Variants in MUC7 observed in about 807,000 individuals in gnomAD.
The protein encoded by MUC7 is mucin-7.
Under a neutral mutation model 2.5 loss-of-function variants are expected in MUC7, and 2 were observed. That is an observed-to-expected ratio of 0.81 (90% CI 0.33 to 2.55). The LOEUF (loss-of-function observed/expected upper bound fraction) is 2.55. Ranked by LOEUF, MUC7 falls within the 30% of genes most tolerant of loss-of-function variation. The pLI is 0.11. For missense variants in MUC7, 408 were observed against 455.6 expected (o/e 0.90, Z 0.95); for synonymous variants, 133 against 173.4 (o/e 0.77, Z 1.83).
chr4:70,453,122 C>T (rs1035453757), intron 1 of MUC7, among the ~76,000 whole-genome samples: 4 of 152,202 alleles, frequency 2.6e-5, no homozygotes, highest in African/African-American at 9.7e-5. Context: ...CTAACCTCTC[C>T]CTTGCTACCA....
intron 1 of MUC7, among the ~76,000 whole-genome samples, chr4:70,451,645 T>G (rs1339465651): frequency 1.3e-5 from 2 of 152,234 alleles, no homozygotes; most frequent in Non-Finnish European, 2.9e-5. Context: ...TATTTCAATT[T>G]TTTTTAATGT....
chr4:70,453,215 A>T (rs1477002835), intron 1 of MUC7, among the ~76,000 whole-genome samples: 3 of 152,206 alleles, frequency 2.0e-5, no homozygotes, highest in African/African-American at 7.2e-5. Context: ...TCCTTTCAGG[A>T]CAGCCAGTTC....
chr4:70,452,614 C>T (rs1734306886), intron 1 of MUC7, among the ~76,000 whole-genome samples: 1 of 151,856 alleles, frequency 6.6e-6, no homozygotes, highest in Non-Finnish European at 1.5e-5. Context: ...AACTTTTTGT[C>T]TCTCTATTAA....
intron 1 of MUC7, among the ~76,000 whole-genome samples, chr4:70,443,316 T>A (rs1734050174): frequency 1.1e-5 from 1 of 90,216 alleles, no homozygotes; most frequent in Non-Finnish European, 2.4e-5. Flanking sequence ...ACAAAAAGAA[T>A]TTACCTTAAA....
At chr4:70,471,606 G>C (rs1734836657), upstream of MUC7, among the ~76,000 whole-genome samples, 2 of 152,072 alleles carry the variant, frequency 1.3e-5, no homozygotes, top group East Asian at 3.8e-4. Flanking sequence ...ATGAAAACCA[G>C]GGAATGAGTA....
At chr4:70,466,726 C>T (rs1236048140) in intron 1 of MUC7, among the ~76,000 whole-genome samples, 7 of 152,170 alleles carry the variant, frequency 4.6e-5, no homozygotes, top group Non-Finnish European at 8.8e-5. Context: ...AATATATATG[C>T]ACCCAATACA....
rs183353420 is a variant in MUC7 at position 70,435,717 on chromosome 4, G to T, written c.-93+5030G>T. ...CCCATTTACATTTAAGGTTAATATT[G>T]TTATGTGTGAATTTGATCCTGTCGT... is the stretch of plus-strand genomic sequence containing the variant. On this transcript the variant is annotated intron_variant, in intron 1 of 3. Coordinates refer to the MUC7 transcript ENST00000413702. Among the ~76,000 whole-genome samples the T allele has an allele frequency of 3.6e-3, 542 of 152,282 alleles. 2 individuals carry two copies. Among genetic ancestry groups the T allele is most frequent in the African/African-American group, 0.013 (526 of 41,560 alleles).
chr4:70,468,986 A>G (rs1475851044), upstream of MUC7, among the ~76,000 whole-genome samples: 2 of 152,234 alleles, frequency 1.3e-5, no homozygotes, highest in Non-Finnish European at 2.9e-5. Flanking sequence ...TGGAGGGATC[A>G]TGCTACCTGA....
At chr4:70,437,154 G>C (rs953810696) in intron 1 of MUC7, among the ~76,000 whole-genome samples, 1 of 152,186 alleles carries the variant, frequency 6.6e-6, no homozygotes, top group South Asian at 2.1e-4. Context: ...GCTACACAGG[G>C]GTCCCGGACC....
At chr4:70,435,064 C>G (rs1577896169) in intron 1 of MUC7, among the ~76,000 whole-genome samples, 1 of 152,168 alleles carries the variant, frequency 6.6e-6, no homozygotes, top group East Asian at 1.9e-4. Context: ...GCACTGTGGT[C>G]TAAGAGACAG....
At chr4:70,445,733 A>G (rs944562476) in intron 1 of MUC7, among the ~76,000 whole-genome samples, 1 of 152,202 alleles carries the variant, frequency 6.6e-6, no homozygotes, top group African/African-American at 2.4e-5. Context: ...AGGTTCGTAT[A>G]ATAGACACCA....
rs961496988 is a variant in MUC7 at position 70,482,155 on chromosome 4, A to G, written c.*277A>G. 5 of 391,936 alleles carry G rather than the reference A, an allele frequency of 1.3e-5. No individual in the cohort carries two copies. Among genetic ancestry groups the G allele is most frequent in the African/African-American group, 1.0e-4 (5 of 49,070 alleles). 24.3% of individuals were successfully genotyped at this position (391,936 alleles called of 1,614,324 possible). ...GAGGGCAAAGAAAGTCCTTAGATAA[A>G]GAGAGAATATTGTATGGGCCATCAA... On this transcript the variant is annotated 3_prime_UTR_variant, in exon 3 of 3. Transcript: ENST00000304887.
intron 1 of MUC7, among the ~76,000 whole-genome samples, chr4:70,455,547 G>C (rs765387371): frequency 6.6e-6 from 1 of 152,136 alleles, no homozygotes; most frequent in Non-Finnish European, 1.5e-5. Flanking sequence ...AGTGTGAGCT[G>C]TTGAGTGCCT....
At chr4:70,464,771 C>T (rs1464142234) in intron 1 of MUC7, among the ~76,000 whole-genome samples, 1 of 152,166 alleles carries the variant, frequency 6.6e-6, no homozygotes, top group Non-Finnish European at 1.5e-5. Flanking sequence ...GATACAACTC[C>T]CCACTCCCTG....
At chr4:70,466,586 C>CA (rs75195757) in intron 1 of MUC7, among the ~76,000 whole-genome samples, 11,793 of 143,316 alleles carry the variant, frequency 0.082, 592 homozygotes, top group East Asian at 0.2. Context: ...GAATGGAAAG[C>CA]AAAAAAAAAA....
intron 1 of MUC7, among the ~76,000 whole-genome samples, chr4:70,457,100 G>A (rs964036843): frequency 6.6e-6 from 1 of 152,168 alleles, no homozygotes; most frequent in Non-Finnish European, 1.5e-5. Context: ...GGATGGGGCA[G>A]GGGATTAATG....
At chr4:70,458,406 G>A (rs1409050014) in intron 1 of MUC7, among the ~76,000 whole-genome samples, 2 of 152,102 alleles carry the variant, frequency 1.3e-5, no homozygotes, top group Non-Finnish European at 2.9e-5. Context: ...TAAATTGTGT[G>A]ATAAGTTCAT....
chr4:70,473,310 G>A (rs778422653), intron 1 of MUC7, among the ~76,000 whole-genome samples: 1 of 152,006 alleles, frequency 6.6e-6, no homozygotes, highest in Non-Finnish European at 1.5e-5. Context: ...CAGGAGCGGT[G>A]GTGCATGACT....
upstream of MUC7, among the ~76,000 whole-genome samples, chr4:70,469,316 C>T (rs948708713): frequency 6.6e-6 from 1 of 152,102 alleles, no homozygotes; most frequent in Non-Finnish European, 1.5e-5. Flanking sequence ...AGAAGAAAAC[C>T]TAGGCAATAA....
Sources: gnomAD v4.1 joint callset for allele counts (sites outside exome capture counted in the v4.1 genomes callset) on GRCh38, gnomAD v4.1.1 for gene constraint, MANE v1.5 for transcripts, NCBI Gene and HGNC (gene_info 2026-07-23, HGNC 2026-07-21) for gene names.